Variants in MRPS28 observed in about 807,000 individuals in gnomAD.
MRPS28 encodes small ribosomal subunit protein bS1m.
A neutral mutation model predicts 10.8 loss-of-function variants in MRPS28; 7 were observed. The ratio of observed to expected loss-of-function variants is 0.65; its 90% CI spans 0.37 to 1.22. The LOEUF (loss-of-function observed/expected upper bound fraction) is 1.22. Among genes scored for constraint, MRPS28 ranks in the 50% most tolerant of loss-of-function variants. The pLI, the probability that MRPS28 is intolerant of heterozygous loss-of-function variation, is 0.02. For missense variants in MRPS28, 265 were observed against 232.9 expected (o/e 1.14, Z -0.90); for synonymous variants, 121 against 93.3 (o/e 1.30, Z -1.71).
At chr8:79,965,556 G>C (rs74831692) in intron 2 of MRPS28, among the ~76,000 whole-genome samples, 2,375 of 152,012 alleles carry the variant, frequency 0.016, 68 homozygotes, top group African/African-American at 0.055. Context: ...TTTTTGAATA[G>C]GCTGGGGCTG....
intron 2 of MRPS28, among the ~76,000 whole-genome samples, chr8:79,982,116 G>A (rs543107214): frequency 5.9e-5 from 9 of 152,194 alleles, no homozygotes; most frequent in South Asian, 4.1e-4. Flanking sequence ...GCATGGTGGC[G>A]GATGCCTGTA....
chr8:79,921,132 C>T (rs888125998), intron 2 of MRPS28, among the ~76,000 whole-genome samples: 1 of 151,410 alleles, frequency 6.6e-6, no homozygotes, highest in Non-Finnish European at 1.5e-5. Flanking sequence ...GGGCTCCATT[C>T]TGTTCCATTG....
chr8:80,007,225 T>A (rs1174504144), intron 1 of MRPS28, among the ~76,000 whole-genome samples: 1 of 152,152 alleles, frequency 6.6e-6, no homozygotes, highest in Non-Finnish European at 1.5e-5. Flanking sequence ...TCAACAACCC[T>A]TCATGCTAAA....
chr8:79,951,323 T>C (rs1253588207), intron 2 of MRPS28, among the ~76,000 whole-genome samples: 1 of 152,114 alleles, frequency 6.6e-6, no homozygotes, highest in Non-Finnish European at 1.5e-5. Flanking sequence ...CACTGCAAAG[T>C]GAGAAGATGG....
Position 79,932,784 on chromosome 8 carries a change from C to T in MRPS28, c.396-13636G>A, listed in dbSNP as rs143835940. ...AGGCTGTGCTGGCACGCCACATTCCCGGCAGCCAGATCTAACACCACTGAT... is the reference window on the plus strand; with the variant it reads ...AGGCTGTGCTGGCACGCCACATTCCTGGCAGCCAGATCTAACACCACTGAT... On this transcript the variant is annotated intron_variant, in intron 2 of 2. Transcript: ENST00000276585. Among the ~76,000 whole-genome samples the T allele has an allele frequency of 3.3e-5, 5 of 152,298 alleles. No individual in the cohort carries two copies. In the South Asian group the frequency reaches 6.2e-4, roughly 19 times the overall value.
At chr8:79,957,387 T>A (rs1807248276) in intron 2 of MRPS28, 1 of 152,082 alleles carries the variant, frequency 6.6e-6, no homozygotes, top group African/African-American at 2.4e-5. Context: ...GCAGGAATTA[T>A]AATCTGGTCA....
Position 79,979,915 on chromosome 8 carries a change from C to CAAAAAAA in MRPS28, c.395+23077_395+23083dup. Among the ~76,000 whole-genome samples the CAAAAAAA allele has an allele frequency of 6.7e-4, 21 of 31,358 alleles. 4 individuals carry two copies. The highest frequency in any genetic ancestry group is 7.4e-4 in the Non-Finnish European group (12 of 16,140). The allele number at this position is 31,358 out of a possible 152,430, so 20.6% of individuals were successfully genotyped here. ...GCCACTAACATTCAGGATTCTCACG[C>CAAAAAAA]AAAAAAAAAAAAAAAAAAAAAAAAA... On this transcript the variant is annotated intron_variant, in intron 2 of 2. Transcript: ENST00000276585.
chr8:80,023,696 ATTT>A (rs1203824348), intron 1 of MRPS28, among the ~76,000 whole-genome samples: 1 of 152,162 alleles, frequency 6.6e-6, no homozygotes, highest in African/African-American at 2.4e-5. Context: ...TCTGAAAAAC[ATTT>A]TTTCCAATGT....
At chr8:79,958,337 T>C in intron 2 of MRPS28, 2 of 691,676 alleles carry the variant, frequency 2.9e-6, no homozygotes, top group Admixed American at 2.1e-5. Flanking sequence ...ACAACTTCTT[T>C]ATCTTTTACG....
chr8:79,999,659 C>T (rs919279437), intron 2 of MRPS28, among the ~76,000 whole-genome samples: 1 of 152,022 alleles, frequency 6.6e-6, no homozygotes, highest in African/African-American at 2.4e-5. Flanking sequence ...CAATGTATGT[C>T]GATAAAGAGC....
At chr8:79,982,336 C>A (rs1000557387) in intron 2 of MRPS28, among the ~76,000 whole-genome samples, 5 of 152,206 alleles carry the variant, frequency 3.3e-5, no homozygotes, top group Non-Finnish European at 5.9e-5. Context: ...GCATGAGCGA[C>A]GCAGAAGACG....
chr8:79,998,706 T>C (rs1808576133), intron 2 of MRPS28, among the ~76,000 whole-genome samples: 1 of 152,236 alleles, frequency 6.6e-6, no homozygotes, highest in Admixed American at 6.5e-5. Context: ...CAATATCTTA[T>C]GCTTTTCTGC....
chr8:79,945,887 G>A (rs1454823844), intron 2 of MRPS28, among the ~76,000 whole-genome samples: 1 of 152,070 alleles, frequency 6.6e-6, no homozygotes, highest in Non-Finnish European at 1.5e-5. Flanking sequence ...TTTAATATGT[G>A]CCAAATACTA....
chr8:80,029,920 C>A lies in MRPS28; in HGVS notation c.213+116G>T. On this transcript the variant is annotated intron_variant, in intron 1 of 2. Coordinates refer to ENST00000276585, the MANE Select transcript of MRPS28 (RefSeq NM_014018.3). The stretch of plus-strand genomic sequence containing the variant: ...CACAACGCACCGCAACTCCGGAAAA[C>A]TGGGCCCCGGACCTCAGCTCCCCTT... 3.9e-6 allele frequency: 6 copies of A among 1,536,170 alleles called. No homozygotes were observed. In the South Asian group the frequency reaches 7.2e-5, roughly 18 times the overall value.
At chr8:80,024,102 C>T (rs1296381057) in intron 1 of MRPS28, among the ~76,000 whole-genome samples, 2 of 152,002 alleles carry the variant, frequency 1.3e-5, no homozygotes, top group Non-Finnish European at 1.5e-5. Flanking sequence ...TGGTGACGCA[C>T]AGCTATGGTC....
chr8:79,958,783 T>G (rs996624084), intron 2 of MRPS28, among the ~76,000 whole-genome samples: 2 of 152,184 alleles, frequency 1.3e-5, no homozygotes, highest in African/African-American at 4.8e-5. Context: ...GTTTTTCTTA[T>G]GTCTTGTGAG....
chr8:79,997,542 C>T (rs555244491), intron 2 of MRPS28, among the ~76,000 whole-genome samples: 1 of 151,818 alleles, frequency 6.6e-6, no homozygotes, highest in African/African-American at 2.4e-5. Flanking sequence ...TTTTCTTGCA[C>T]AATCTAATTC....
chr8:79,952,915 T>C (rs1807114636), intron 2 of MRPS28, among the ~76,000 whole-genome samples: 2 of 152,180 alleles, frequency 1.3e-5, no homozygotes, highest in African/African-American at 4.8e-5. Flanking sequence ...TCATAATCTC[T>C]TGCAAAAAAC....
intron 2 of MRPS28, among the ~76,000 whole-genome samples, chr8:79,939,902 G>A (rs1458217102): frequency 6.6e-6 from 1 of 151,738 alleles, no homozygotes; most frequent in Non-Finnish European, 1.5e-5. Context: ...CCCGGGAGGC[G>A]GAGCTTGCAG....
Sources: gnomAD v4.1 joint callset for allele counts (sites outside exome capture counted in the v4.1 genomes callset) on GRCh38, gnomAD v4.1.1 for gene constraint, MANE v1.5 for transcripts, NCBI Gene and HGNC (gene_info 2026-07-23, HGNC 2026-07-21) for gene names.